The following ARHGAP10 variants were observed in gnomAD, a reference collection of about 807,000 sequenced individuals.
ARHGAP10 encodes the protein rho GTPase-activating protein 10.
A neutral mutation model predicts 108.6 loss-of-function variants in ARHGAP10; 87 were observed. That is an observed-to-expected ratio of 0.80 (90% CI 0.67 to 0.96). The LOEUF (loss-of-function observed/expected upper bound fraction) is 0.96, where lower values mean the gene tolerates loss of function less well. ARHGAP10 is among the 40% of genes least tolerant of loss of function. The pLI is 0.00. For synonymous variants in ARHGAP10, 347 were observed against 341.1 expected (o/e 1.02, Z -0.19); for missense variants, 939 against 954.5 (o/e 0.98, Z 0.21).
At chr4:147,898,991 C>T (rs1374193023) in intron 10 of ARHGAP10, among the ~76,000 whole-genome samples, 4 of 152,166 alleles carry the variant, frequency 2.6e-5, no homozygotes, top group Admixed American at 6.5e-5. Flanking sequence ...GATTACAATT[C>T]GAGAAACCCT....
At position 147,866,819 on chromosome 4, in the gene ARHGAP10, A is replaced by C. The variant is rs767630556; in HGVS notation, c.702+3A>C. 6.3e-7 allele frequency: 1 copy of C among 1,576,800 alleles called. No homozygotes were observed. Among genetic ancestry groups the C allele is most frequent in the Non-Finnish European group, 8.7e-7 (1 of 1,152,432 alleles). ...AACTACAGATCAACATTCAGAATGT[A>C]AGGAAGTGAAAGCTTTCTTTATAAA... is the stretch of plus-strand genomic sequence containing the variant. On this transcript the variant is annotated splice_donor_region_variant and intron_variant, in intron 7 of 22. Transcript: ENST00000336498.
At chr4:147,798,793 A>C (rs1343913321) in intron 1 of ARHGAP10, among the ~76,000 whole-genome samples, 8 of 29,706 alleles carry the variant, frequency 2.7e-4, no homozygotes, top group African/African-American at 5.6e-4. Context: ...ATATATATAT[A>C]TATATATATA....
chr4:148,033,549 G>A (rs919072543), intron 19 of ARHGAP10, among the ~76,000 whole-genome samples: 3 of 152,088 alleles, frequency 2.0e-5, no homozygotes, highest in Admixed American at 6.5e-5. Context: ...ATACATATTT[G>A]TATTTCCTAT....
intron 16 of ARHGAP10, among the ~76,000 whole-genome samples, chr4:147,956,861 C>T (rs1738807047): frequency 6.6e-6 from 1 of 151,866 alleles, no homozygotes; most frequent in Non-Finnish European, 1.5e-5. Context: ...TATTACGCCC[C>T]ATAACTGATG....
rs1348522242 is a variant in ARHGAP10, at chr4:147,798,722, ACACT to A, written c.155-24003_155-24000del. On this transcript the variant is annotated intron_variant, in intron 1 of 22. Transcript: ENST00000336498. ...CATTACGTGAGGTCAGGAGTTTGAG[ACACT>A]CTCTCTCTCTCTCTCTCTCTCTCTC... is the stretch of plus-strand genomic sequence containing the variant. Among the ~76,000 whole-genome samples the A allele has an allele frequency of 1.3e-3, 137 of 107,374 alleles. 15 individuals carry two copies. The highest frequency in any genetic ancestry group is 5.8e-3 in the African/African-American group (109 of 18,732). The allele number at this position is 107,374 out of a possible 152,430, so 70.4% of individuals were successfully genotyped here.
intron 18 of ARHGAP10, among the ~76,000 whole-genome samples, chr4:148,017,560 A>G (rs560670327): frequency 6.6e-6 from 1 of 150,886 alleles, no homozygotes; most frequent in South Asian, 2.1e-4. Flanking sequence ...CTTTGGGGAG[A>G]GCAGAGAGAG....
intron 16 of ARHGAP10, among the ~76,000 whole-genome samples, chr4:147,963,345 A>G (rs998708146): frequency 9.9e-5 from 15 of 152,152 alleles, no homozygotes; most frequent in Admixed American, 8.5e-4. Context: ...AGGGCTCTCC[A>G]TTATGAGACC....
chr4:147,813,548 C>A (rs1348521879), intron 1 of ARHGAP10, among the ~76,000 whole-genome samples: 1 of 152,180 alleles, frequency 6.6e-6, no homozygotes, highest in Non-Finnish European at 1.5e-5. Flanking sequence ...TGAGGACAGG[C>A]CTGCCAGGCA....
intron 18 of ARHGAP10, among the ~76,000 whole-genome samples, chr4:147,983,286 C>T (rs760118219): frequency 2.2e-4 from 33 of 151,098 alleles, no homozygotes; most frequent in Non-Finnish European, 3.8e-4. Context: ...CCCGGGTTCA[C>T]GCCATTCTCC....
intron 18 of ARHGAP10, among the ~76,000 whole-genome samples, chr4:148,019,880 T>C (rs1479921622): frequency 6.6e-6 from 1 of 152,130 alleles, no homozygotes; most frequent in Non-Finnish European, 1.5e-5. Context: ...TTGCTACCTG[T>C]GTTAATCGGG....
intron 10 of ARHGAP10, among the ~76,000 whole-genome samples, chr4:147,893,776 G>A (rs1470606432): frequency 6.6e-6 from 1 of 152,024 alleles, no homozygotes; most frequent in Non-Finnish European, 1.5e-5. Flanking sequence ...AGTGTAGAAA[G>A]AAGAGCAAAG....
Position 147,913,448 on chromosome 4 carries a change from G to A in ARHGAP10, c.1228+309G>A, listed in dbSNP as rs761531858. ...TTAAAGAATAGAAATTTATTTTCTCGTGGTTCTGGAGGCTGGAAGTTCAAA... is the reference window on the plus strand; with the variant it reads ...TTAAAGAATAGAAATTTATTTTCTCATGGTTCTGGAGGCTGGAAGTTCAAA... On this transcript the variant is annotated intron_variant, in intron 13 of 22. Coordinates refer to ENST00000336498, the MANE Select transcript of ARHGAP10 (RefSeq NM_024605.4). Among the ~76,000 whole-genome samples, 26 of 152,106 alleles carry A rather than the reference G, an allele frequency of 1.7e-4. 1 individual carries two copies. Among genetic ancestry groups the A allele is most frequent in the Non-Finnish European group, 3.5e-4 (24 of 67,998 alleles).
chr4:147,982,316 C>T (rs990226571), intron 18 of ARHGAP10, among the ~76,000 whole-genome samples: 2 of 149,664 alleles, frequency 1.3e-5, no homozygotes, highest in African/African-American at 2.4e-5. Context: ...GCCTTGGACT[C>T]GGTCGTCTTG....
At chr4:147,999,745 C>T (rs903772723) in intron 18 of ARHGAP10, among the ~76,000 whole-genome samples, 4 of 152,122 alleles carry the variant, frequency 2.6e-5, no homozygotes, top group Non-Finnish European at 5.9e-5. Context: ...TCAGAGAACA[C>T]GAGGCTTGCC....
At chr4:147,822,576 G>A (rs551587744) in intron 1 of ARHGAP10, 151 bp from the exon 2 acceptor site, 3 of 718,408 alleles carry the variant, frequency 4.2e-6, no homozygotes, top group Admixed American at 2.7e-5. Context: ...GTTGAAGATG[G>A]CGGGCCATTT....
At chr4:147,837,650 T>TTTTTTTTTGTTTTG (rs1733229862) in intron 3 of ARHGAP10, among the ~76,000 whole-genome samples, 1 of 112,006 alleles carries the variant, frequency 8.9e-6, no homozygotes, top group Non-Finnish European at 1.8e-5. Context: ...ACTGTTTTTT[T>TTTTTTTTTGTTTTG]TTTTTTTTTT....
At chr4:148,042,630 T>C (rs1409426134) in intron 19 of ARHGAP10, among the ~76,000 whole-genome samples, 1 of 152,186 alleles carries the variant, frequency 6.6e-6, no homozygotes, top group Non-Finnish European at 1.5e-5. Flanking sequence ...TTTTTCTGGG[T>C]CTGAAAGCTC....
chr4:148,063,294 C>G lies in ARHGAP10; in HGVS notation c.2174C>G (p.Pro725Arg). The change falls in exon 21 of 23, where the codon CCT (proline) becomes CGT (arginine). Residue 725 changes from proline to arginine, a missense_variant. By Grantham distance (103) the Pro-to-Arg change is moderately radical (BLOSUM62 -2). Transcript: ENST00000336498. ...SPPATVADKPPESIRSRKARA... is the reference protein window; with the variant it reads ...SPPATVADKPRESIRSRKARA... ...CCTGCTACTGTAGCGGACAAGCCAC[C>G]TGAAAGGTACGTGGTTTGGAGTGGA... 1 of 1,614,160 alleles carries G rather than the reference C, an allele frequency of 6.2e-7. No individual in the cohort carries two copies. The highest frequency in any genetic ancestry group is 8.5e-7 in the Non-Finnish European group (1 of 1,180,030).
intron 1 of ARHGAP10, among the ~76,000 whole-genome samples, chr4:147,750,959 C>T (rs975114690): frequency 4.6e-5 from 7 of 151,800 alleles, no homozygotes; most frequent in African/African-American, 9.7e-5. Context: ...GGGCAGGTCG[C>T]GTGAGGTCAG....
Sources: allele counts gnomAD v4.1 joint callset (sites outside exome capture counted in the v4.1 genomes callset), GRCh38; gene constraint gnomAD v4.1.1; transcripts MANE v1.5; gene names NCBI Gene and HGNC (gene_info 2026-07-23, HGNC 2026-07-21).